The following TTC16 variants were observed in gnomAD, a reference collection of about 807,000 sequenced individuals.
The protein encoded by TTC16 is tetratricopeptide repeat protein 16.
A neutral mutation model predicts 80.4 loss-of-function variants in TTC16; 66 were observed. That is an observed-to-expected ratio of 0.82 (90% CI 0.67 to 1.01). TTC16 has a LOEUF of 1.01. Ranked by LOEUF, TTC16 falls within the 50% of genes least tolerant of loss-of-function variation. The probability of loss-of-function intolerance (pLI) is 0.00; values close to 1 mark genes in which losing one functional copy is unlikely to be tolerated. For missense variants in TTC16, 1,070 were observed against 1,103.2 expected (o/e 0.97, Z 0.43); for synonymous variants, 438 against 451.3 (o/e 0.97, Z 0.37).
Position 127,720,109 on chromosome 9 carries a change from T to C in TTC16, c.458T>C (p.Leu153Pro). The C allele has an allele frequency of 1.2e-6, 2 of 1,613,934 alleles. No homozygotes were observed. The highest frequency in any genetic ancestry group is 1.7e-6 in the Non-Finnish European group (2 of 1,180,000). Reference protein sequence around the residue: ...GQCLFEQCAFLDALNVFSHAA... With the variant: ...GQCLFEQCAFPDALNVFSHAA... The stretch of plus-strand genomic sequence containing the variant: ...TGCCTTTTTGAGCAGTGTGCCTTCC[T>C]GGATGCCCTGAATGTCTTCTCACAT... Residue 153 changes from leucine to proline, a missense_variant, in exon 5 of 14, where the codon CTG (leucine) becomes CCG (proline). Physicochemically the swap from Leu to Pro is moderately conservative, Grantham distance 98. Transcript: ENST00000373289.
At chr9:127,726,817 A>T (rs111605434) in intron 10 of TTC16, among the ~76,000 whole-genome samples, 153 bp from the exon 11 acceptor site, 1 of 150,106 alleles carries the variant, frequency 6.7e-6, no homozygotes, top group Non-Finnish European at 1.5e-5. Flanking sequence ...AAAAAAAAAA[A>T]AAAACAAACA....
At chr9:127,716,776 TG>T in intron 1 of TTC16, 67 bp from the exon 2 acceptor site, 2 of 1,540,156 alleles carry the variant, frequency 1.3e-6, no homozygotes, top group Non-Finnish European at 8.8e-7. Flanking sequence ...TGCAGAATGC[TG>T]GGGAGTGTGT....
intron 8 of TTC16, 133 bp downstream of exon 8, chr9:127,724,497 T>C: frequency 7.9e-7 from 1 of 1,261,098 alleles, no homozygotes; most frequent in Non-Finnish European, 1.1e-6. Flanking sequence ...GAAGAGGAAA[T>C]GTAATAGTCT....
chr9:127,729,932 C>T, intron 13 of TTC16: 2 of 477,174 alleles, frequency 4.2e-6, no homozygotes, highest in South Asian at 4.7e-5. Flanking sequence ...GCCCACAAAC[C>T]TTGTGCATGG....
At chr9:127,717,890 C>T in intron 4 of TTC16, 118 bp downstream of exon 4, 1 of 1,274,388 alleles carries the variant, frequency 7.8e-7, no homozygotes, top group African/African-American at 1.5e-5. Context: ...TGTCTGGGTC[C>T]CCCCCGCTGC....
In TTC16 at chr9:127,727,845, C is replaced by T. The variant is rs187553687; in HGVS notation, c.1764+380C>T. Reference sequence around the variant, plus strand: ...CACAATCTCGGCTCACTGCAACCTCCGCCTCCTGGGTTCAAGCAATTCTCA... The same window carrying T: ...CACAATCTCGGCTCACTGCAACCTCTGCCTCCTGGGTTCAAGCAATTCTCA... On this transcript the variant is annotated intron_variant, in intron 12 of 13. Coordinates refer to ENST00000373289, the MANE Select transcript of TTC16 (RefSeq NM_144965.3). 182 of 163,578 alleles carry T rather than the reference C, an allele frequency of 1.1e-3. 1 individual carries two copies. The highest frequency in any genetic ancestry group is 9.3e-3 in the Admixed American group (156 of 16,774). 10.1% of individuals were successfully genotyped at this position (163,578 alleles called of 1,614,324 possible).
At position 127,723,315 on chromosome 9, in the gene TTC16, C is replaced by T. The variant is rs371121543; in HGVS notation, c.854C>T (p.Pro285Leu). The T allele has an allele frequency of 2.8e-5, 45 of 1,612,744 alleles. No homozygotes were observed. The African/African-American group carries it at 4.4e-4, about 16-fold the overall frequency. ...GCCATCGAGAACAACCCTCTGGACCCCAGTCTCTTCCTCTTCCGGTACTGC... is the reference window on the plus strand; with the variant it reads ...GCCATCGAGAACAACCCTCTGGACCTCAGTCTCTTCCTCTTCCGGTACTGC... Reference protein sequence around the residue: ...NRAIENNPLDPSLFLFRGTMY... With the variant: ...NRAIENNPLDLSLFLFRGTMY... The change falls in exon 7 of 14, where the codon CCC becomes CTC. Residue 285 changes from proline (P) to leucine (L), a missense_variant. Physicochemically the swap from Pro to Leu is moderately conservative, Grantham distance 98. Transcript: ENST00000373289.
At position 127,717,592 on chromosome 9, in the gene TTC16, G is replaced by A. The variant is rs570573033; in HGVS notation, c.283-37G>A. Reference sequence around the variant, plus strand: ...CCCCTACCCTCCAGGGGCAGATGGTGGGGAGGATCTAGCAGCCTGGGTCCC... The same window carrying A: ...CCCCTACCCTCCAGGGGCAGATGGTAGGGAGGATCTAGCAGCCTGGGTCCC... On this transcript the variant is annotated intron_variant, in intron 3 of 13. Coordinates refer to ENST00000373289, the MANE Select transcript of TTC16 (RefSeq NM_144965.3). 4.4e-6 allele frequency: 7 copies of A among 1,607,924 alleles called. No homozygotes were observed. The African/African-American group carries it at 6.7e-5, about 15-fold the overall frequency.
At chr9:127,727,249 C>A in intron 11 of TTC16, 21 bp from the exon 12 acceptor site, 3 of 1,543,692 alleles carry the variant, frequency 1.9e-6, no homozygotes, top group African/African-American at 1.4e-5. Flanking sequence ...CTGACAATAC[C>A]TGGGGGGTAT....
At chr9:127,719,210 C>CA (rs112597139) in intron 4 of TTC16, among the ~76,000 whole-genome samples, 4,180 of 130,920 alleles carry the variant, frequency 0.032, 150 homozygotes, top group African/African-American at 0.092. Context: ...GATGCTGTCT[C>CA]AAAAAAAAAA....
intron 13 of TTC16, chr9:127,730,109 T>C: frequency 4.7e-6 from 1 of 212,018 alleles, no homozygotes; most frequent in Non-Finnish European, 9.6e-6. Flanking sequence ...TCCAGCAAAC[T>C]CCCCAAGTGC....
At chr9:127,719,957 C>T (rs1407333487) in intron 4 of TTC16, 121 bp from the exon 5 acceptor site, 26 of 795,210 alleles carry the variant, frequency 3.3e-5, no homozygotes, top group Non-Finnish European at 4.7e-5. Flanking sequence ...TCTGCCAGAT[C>T]TAAAAGGCTC....
Position 127,716,935 on chromosome 9 carries a change from G to A in TTC16, c.110G>A (p.Gly37Glu). 1 of 1,614,116 alleles carries A rather than the reference G, an allele frequency of 6.2e-7. No individual in the cohort carries two copies. Among genetic ancestry groups the A allele is most frequent in the African/African-American group, 1.3e-5 (1 of 75,022 alleles). The change falls in exon 2 of 14, where the codon GGG becomes GAG. Residue 37 changes from glycine (G) to glutamate (E), a missense_variant. Coordinates refer to ENST00000373289, the MANE Select transcript of TTC16 (RefSeq NM_144965.3). ...APKGILQHIF[G>E]TSHVFQSICD... ...AAAGGGATCCTGCAGCACATCTTTG[G>A]GACCAGCCACGTGTTCCAAAGCATC...
In TTC16 at chr9:127,729,567, GT is replaced by G; in HGVS notation, c.1765-11del. 2 of 1,613,066 alleles carry G rather than the reference GT, an allele frequency of 1.2e-6. No individual in the cohort carries two copies. Among genetic ancestry groups the G allele is most frequent in the Non-Finnish European group, 1.7e-6 (2 of 1,179,396 alleles). On this transcript the variant is annotated splice_polypyrimidine_tract_variant and intron_variant, in intron 12 of 13. Coordinates refer to ENST00000373289, the MANE Select transcript of TTC16 (RefSeq NM_144965.3). ...TCCTACCATCTGAACTACAAAGCCTGTTTCTTGCCATAGGAGAAAAAATCAG... is the reference window on the plus strand; with the variant it reads ...TCCTACCATCTGAACTACAAAGCCTGTTCTTGCCATAGGAGAAAAAATCAG...
In TTC16 at chr9:127,727,046, C is replaced by T. The variant is rs923179592; in HGVS notation, c.1502C>T (p.Ala501Val). The change falls in exon 11 of 14, where the codon GCC (alanine) becomes GTC (valine). Residue 501 changes from alanine to valine, a missense_variant. Physicochemically the swap from Ala to Val is moderately conservative, Grantham distance 64 (BLOSUM62 0). Coordinates refer to ENST00000373289, the MANE Select transcript of TTC16 (RefSeq NM_144965.3). ...CTTAGCACCCAGATAGCCCACCTGG[C>T]CAGGCTGCAGCTGGAGCAGATGGTG... ...EVLSTQIAHL[A>V]RLQLEQMVEG... The T allele has an allele frequency of 1.9e-6, 3 of 1,612,382 alleles. No individual in the cohort carries two copies. The highest frequency in any genetic ancestry group is 1.7e-6 in the Non-Finnish European group (2 of 1,179,858).
chr9:127,716,420 C>G (rs1042029091), intron 1 of TTC16: 7 of 597,992 alleles, frequency 1.2e-5, no homozygotes, highest in African/African-American at 3.7e-5. Context: ...GGGCAGAAGT[C>G]AGGTGAGGTG....
At chr9:127,724,424 G>T (rs927861268) in intron 8 of TTC16, 60 bp downstream of exon 8, 2 of 1,592,914 alleles carry the variant, frequency 1.3e-6, no homozygotes, top group Non-Finnish European at 8.6e-7. Flanking sequence ...CATCTCTAAG[G>T]CCCCCACTGG....
chr9:127,724,118 A>AG lies in TTC16; in HGVS notation c.875dup, dbSNP rs758629240. ...TGCCGTCTCCCACGCCCCCCCCGAC[A>AG]GGGGCACCATGTACCGACGGCTCCA... is the stretch of plus-strand genomic sequence containing the variant. On this transcript the variant is annotated splice_acceptor_variant, in intron 7 of 13. Coordinates refer to ENST00000373289, the MANE Select transcript of TTC16 (RefSeq NM_144965.3). LOFTEE classifies it high-confidence loss of function. The AG allele has an allele frequency of 2.2e-5, 36 of 1,601,326 alleles. 1 individual carries two copies. The South Asian group carries it at 3.8e-4, about 17-fold the overall frequency.
In TTC16 at chr9:127,724,301, C is replaced by CTGCT. The variant is rs770127181; in HGVS notation, c.1055_1058dup (p.Leu354AlafsTer142). 1 of 1,612,908 alleles carries CTGCT rather than the reference C, an allele frequency of 6.2e-7. No individual in the cohort carries two copies. Among genetic ancestry groups the CTGCT allele is most frequent in the African/African-American group, 1.3e-5 (1 of 75,052 alleles). On this transcript the variant is annotated frameshift_variant, in exon 8 of 14. Coordinates refer to ENST00000373289, the MANE Select transcript of TTC16 (RefSeq NM_144965.3). LOFTEE classifies it high-confidence loss of function. ...GCAGGGCGCCTACCAGGAGGGCGTG[C>CTGCT]TGCTGCTGAACAAGGCCCTCCGGGA...
Sources: gnomAD v4.1 joint callset for allele counts (sites outside exome capture counted in the v4.1 genomes callset) on GRCh38, gnomAD v4.1.1 for gene constraint, MANE v1.5 for transcripts, NCBI Gene and HGNC (gene_info 2026-07-23, HGNC 2026-07-21) for gene names.